Variants in TRPC4 observed in about 807,000 individuals in gnomAD.
TRPC4 encodes transient receptor potential cation channel subfamily C member 4, also known as short transient receptor potential channel 4.
In TRPC4, 49 loss-of-function variants were observed where a neutral mutation model predicts 99.4. That is an observed-to-expected ratio of 0.49 (90% CI 0.39 to 0.63). The LOEUF is 0.63. TRPC4 is among the 20% of genes least tolerant of loss of function. The pLI, the probability that TRPC4 is intolerant of heterozygous loss-of-function variation, is 0.00. For synonymous variants in TRPC4, 454 were observed against 425.9 expected, an observed-to-expected ratio of 1.07 and a Z score of -0.81; for missense variants, 898 against 1,152.9, an observed-to-expected ratio of 0.78 and a Z score of 3.20.
chr13:37,680,566 T>C (rs889061335), intron 4 of TRPC4, among the ~76,000 whole-genome samples: 1 of 152,210 alleles, frequency 6.6e-6, no homozygotes, highest in African/African-American at 2.4e-5. Context: ...ATCGCTGCCA[T>C]GAGAGATGAA....
chr13:37,860,474 T>C (rs1312816890), intron 1 of TRPC4, among the ~76,000 whole-genome samples: 1 of 151,484 alleles, frequency 6.6e-6, no homozygotes, highest in Non-Finnish European at 1.5e-5. Flanking sequence ...TGAAATCTCC[T>C]TTCTTAAAAC....
chr13:37,708,110 T>A (rs775661996), intron 3 of TRPC4, among the ~76,000 whole-genome samples: 2 of 152,148 alleles, frequency 1.3e-5, no homozygotes, highest in Non-Finnish European at 2.9e-5. Flanking sequence ...GCCTCCATAC[T>A]TGATAGTAAA....
chr13:37,827,144 C>T (rs1417842322), intron 1 of TRPC4, among the ~76,000 whole-genome samples: 1 of 152,086 alleles, frequency 6.6e-6, no homozygotes, highest in Non-Finnish European at 1.5e-5. Context: ...AAACACTTCT[C>T]TGTATTGGTT....
At chr13:37,778,087 C>T (rs1956754706) in intron 2 of TRPC4, among the ~76,000 whole-genome samples, 1 of 151,992 alleles carries the variant, frequency 6.6e-6, no homozygotes, top group African/African-American at 2.4e-5. Context: ...TGTGTACATC[C>T]AGAGACTTCT....
At chr13:37,702,797 T>C (rs1024848359) in intron 3 of TRPC4, among the ~76,000 whole-genome samples, 2 of 152,158 alleles carry the variant, frequency 1.3e-5, no homozygotes, top group Admixed American at 6.6e-5. Context: ...AGGTCATATA[T>C]ATAAAACCAT....
chr13:37,728,199 T>C (rs961338890), intron 3 of TRPC4, among the ~76,000 whole-genome samples: 2 of 130,176 alleles, frequency 1.5e-5, no homozygotes, highest in East Asian at 2.0e-4. Context: ...AGAGCAATTA[T>C]GTGAAAAAGA....
rs2985171 is a variant in TRPC4 at position 37,663,735 on chromosome 13, A to G, written c.1375-6T>C. ...CGTGGATTAAGGGCACTGTACTGGA[A>G]AAAACAGAGAAACAAAGGGAAAGTA... On this transcript the variant is annotated splice_region_variant and splice_polypyrimidine_tract_variant and intron_variant, in intron 5 of 10. Coordinates refer to ENST00000379705, the MANE Select transcript of TRPC4 (RefSeq NM_016179.4). 1 allele frequency: 1,602,419 copies of G among 1,608,980 alleles called. 798,165 individuals carry two copies. Among genetic ancestry groups the G allele is most frequent in the East Asian group, 1 (44,826 of 44,826 alleles).
intron 1 of TRPC4, among the ~76,000 whole-genome samples, chr13:37,825,094 T>C (rs540446284): frequency 3.4e-4 from 51 of 151,746 alleles, no homozygotes; most frequent in Non-Finnish European, 6.2e-4. Flanking sequence ...TGGTAGTTTG[T>C]ATTTCTGTGG....
chr13:37,848,484 T>C (rs2139667501), intron 1 of TRPC4, among the ~76,000 whole-genome samples: 1 of 152,248 alleles, frequency 6.6e-6, no homozygotes. Flanking sequence ...GACTTATTTC[T>C]TCATTCATAA....
At chr13:37,684,523 T>G (rs751575246) in intron 4 of TRPC4, among the ~76,000 whole-genome samples, 10 of 152,090 alleles carry the variant, frequency 6.6e-5, no homozygotes, top group Non-Finnish European at 1.3e-4. Context: ...TTTTATAGGA[T>G]TCTAATTTAA....
intron 1 of TRPC4, among the ~76,000 whole-genome samples, chr13:37,821,802 A>C (rs1958019565): frequency 6.6e-6 from 1 of 152,216 alleles, no homozygotes; most frequent in Admixed American, 6.5e-5. Flanking sequence ...ACAATATACA[A>C]AAATCAGCTC....
At chr13:37,779,626 G>C (rs944699634) in intron 2 of TRPC4, among the ~76,000 whole-genome samples, 2 of 151,996 alleles carry the variant, frequency 1.3e-5, no homozygotes, top group African/African-American at 2.4e-5. Flanking sequence ...GAAAACCAAT[G>C]TCAGAACTGC....
At chr13:37,858,834 A>T (rs1959196103) in intron 1 of TRPC4, among the ~76,000 whole-genome samples, 1 of 151,516 alleles carries the variant, frequency 6.6e-6, no homozygotes, top group Non-Finnish European at 1.5e-5. Flanking sequence ...AGCACAAAAA[A>T]TAGTTTGAAA....
chr13:37,765,527 G>A (rs1017850516), intron 2 of TRPC4, among the ~76,000 whole-genome samples: 3 of 151,322 alleles, frequency 2.0e-5, no homozygotes, highest in Admixed American at 6.6e-5. Flanking sequence ...CATTATAATA[G>A]TTACACAATA....
intron 1 of TRPC4, among the ~76,000 whole-genome samples, chr13:37,801,727 G>C (rs1957407055): frequency 6.6e-6 from 1 of 152,028 alleles, no homozygotes; most frequent in African/African-American, 2.4e-5. Context: ...TGCAAGGAAG[G>C]CATAGAAGAC....
intron 1 of TRPC4, among the ~76,000 whole-genome samples, chr13:37,788,808 C>G (rs567624777): frequency 6.6e-5 from 10 of 152,120 alleles, no homozygotes; most frequent in African/African-American, 2.4e-4. Flanking sequence ...ACACATCTCC[C>G]TTAAGATCTG....
intron 3 of TRPC4, among the ~76,000 whole-genome samples, chr13:37,731,050 A>C (rs1051617257): frequency 6.6e-6 from 1 of 152,042 alleles, no homozygotes; most frequent in Non-Finnish European, 1.5e-5. Flanking sequence ...TGAGTTATTA[A>C]GAAAAAAAAT....
chr13:37,726,698 T>C (rs1004624324), intron 3 of TRPC4, among the ~76,000 whole-genome samples: 1 of 152,084 alleles, frequency 6.6e-6, no homozygotes, highest in Admixed American at 6.6e-5. Context: ...AACTATATGC[T>C]TTCTACAAGA....
intron 8 of TRPC4, among the ~76,000 whole-genome samples, chr13:37,642,705 C>T (rs1159461882): frequency 1.3e-5 from 2 of 151,004 alleles, no homozygotes; most frequent in Non-Finnish European, 2.9e-5. Flanking sequence ...AGAAGGGCAT[C>T]CTGGATATGG....
Sources: gnomAD v4.1 joint callset for allele counts (sites outside exome capture counted in the v4.1 genomes callset) on GRCh38, gnomAD v4.1.1 for gene constraint, MANE v1.5 for transcripts, NCBI Gene and HGNC (gene_info 2026-07-23, HGNC 2026-07-21) for gene names.